SPECC1: variants seen among roughly 807,000 people sequenced by gnomAD.
SPECC1 encodes sperm antigen with calponin homology and coiled-coil domains 1, also known as cytospin-B.
SPECC1 carries 62 observed loss-of-function variants against 104.1 expected under a neutral mutation model. The observed-to-expected ratio is 0.60, with a 90% confidence interval of 0.49 to 0.74. The LOEUF (loss-of-function observed/expected upper bound fraction) is 0.74. Ranked by LOEUF, SPECC1 falls within the 30% of genes least tolerant of loss-of-function variation. The pLI is 0.00. For missense variants in SPECC1, 1,306 were observed against 1,310.5 expected (o/e 1.00, Z 0.05); for synonymous variants, 513 against 501.6 (o/e 1.02, Z -0.30).
intron 2 of SPECC1, among the ~76,000 whole-genome samples, chr17:20,098,191 C>T (rs2047744559): frequency 6.6e-6 from 1 of 152,132 alleles, no homozygotes; most frequent in Non-Finnish European, 1.5e-5. Context: ...TCTCACCATC[C>T]CCTAACCTGC....
intron 3 of SPECC1, among the ~76,000 whole-genome samples, chr17:20,119,048 T>C (rs1209699876): frequency 6.6e-6 from 1 of 152,202 alleles, no homozygotes; most frequent in Non-Finnish European, 1.5e-5. Flanking sequence ...TAACTACATA[T>C]CTACTATACA....
At chr17:20,268,379 G>A (rs993425107) in intron 12 of SPECC1, among the ~76,000 whole-genome samples, 6 of 152,240 alleles carry the variant, frequency 3.9e-5, no homozygotes, top group Middle Eastern at 3.2e-3. Flanking sequence ...GGCAACTTCT[G>A]TTGTTCTGTC....
At chr17:20,285,146 G>A (rs1421888622) in intron 12 of SPECC1, among the ~76,000 whole-genome samples, 1 of 152,196 alleles carries the variant, frequency 6.6e-6, no homozygotes, top group East Asian at 1.9e-4. Flanking sequence ...GGCAAGGCAA[G>A]TAACCAGGCA....
intron 3 of SPECC1, among the ~76,000 whole-genome samples, chr17:20,201,878 AT>A (rs2036457316): frequency 6.6e-6 from 1 of 152,216 alleles, no homozygotes; most frequent in South Asian, 2.1e-4. Context: ...ACATTGGAAA[AT>A]TATTTGGAGA....
At chr17:20,184,876 T>C (rs2035155189) in intron 3 of SPECC1, among the ~76,000 whole-genome samples, 1 of 152,254 alleles carries the variant, frequency 6.6e-6, no homozygotes, top group South Asian at 2.1e-4. Context: ...AAGAACATGG[T>C]GATGCAGCAA....
chr17:20,164,191 A>G (rs2033432948), intron 3 of SPECC1, among the ~76,000 whole-genome samples: 2 of 148,114 alleles, frequency 1.4e-5, no homozygotes, highest in South Asian at 4.2e-4. Context: ...TTTTTTTTAA[A>G]GAGACAAAGT....
intron 1 of SPECC1, among the ~76,000 whole-genome samples, chr17:20,042,291 T>C (rs2045360390): frequency 1.3e-5 from 2 of 151,688 alleles, no homozygotes; most frequent in Admixed American, 6.6e-5. Flanking sequence ...GCCTCCCTGA[T>C]ACCTCCCTGG....
At chr17:20,155,927 G>A (rs2032436589) in intron 3 of SPECC1, 2 of 1,214,018 alleles carry the variant, frequency 1.6e-6, no homozygotes, top group Admixed American at 8.9e-5. Flanking sequence ...CTGGCGGGCG[G>A]TGTGCAGTTG....
At chr17:20,134,084 AT>A (rs1338480792) in intron 3 of SPECC1, among the ~76,000 whole-genome samples, 1 of 150,798 alleles carries the variant, frequency 6.6e-6, no homozygotes, top group East Asian at 1.9e-4. Flanking sequence ...ATATAAACAT[AT>A]TACAAACATG....
chr17:20,208,351 G>A (rs892843697), intron 4 of SPECC1, among the ~76,000 whole-genome samples: 4 of 152,348 alleles, frequency 2.6e-5, no homozygotes, highest in Admixed American at 2.0e-4. Flanking sequence ...AGACTGATTT[G>A]TAATTGCAGT....
chr17:20,190,919 G>A (rs1407777461), intron 3 of SPECC1, among the ~76,000 whole-genome samples: 1 of 151,690 alleles, frequency 6.6e-6, no homozygotes, highest in East Asian at 1.9e-4. Context: ...TTTTGCTTTA[G>A]CAAGCAAAAG....
chr17:20,072,835 C>T (rs1387204754), intron 1 of SPECC1, among the ~76,000 whole-genome samples: 4 of 152,120 alleles, frequency 2.6e-5, no homozygotes, highest in Non-Finnish European at 5.9e-5. Context: ...TAGCCCAGGC[C>T]CGCTGATAGA....
chr17:20,054,423 T>G (rs1253357166), intron 1 of SPECC1, among the ~76,000 whole-genome samples: 1 of 152,160 alleles, frequency 6.6e-6, no homozygotes, highest in African/African-American at 2.4e-5. Flanking sequence ...TCTCTCTAGT[T>G]TTGGAAGGCT....
chr17:20,145,157 G>A (rs2031313576), intron 3 of SPECC1, among the ~76,000 whole-genome samples: 1 of 152,188 alleles, frequency 6.6e-6, no homozygotes, highest in South Asian at 2.1e-4. Flanking sequence ...GTGGTTTAGT[G>A]TAGGAAGAAC....
At chr17:20,219,721 C>G (rs1246058845) in intron 4 of SPECC1, among the ~76,000 whole-genome samples, 1 of 152,158 alleles carries the variant, frequency 6.6e-6, no homozygotes, top group Non-Finnish European at 1.5e-5. Context: ...GTATTCTGTG[C>G]TTTTGGGCTA....
chr17:20,141,987 T>C (rs2030860890), intron 3 of SPECC1, among the ~76,000 whole-genome samples: 2 of 152,332 alleles, frequency 1.3e-5, no homozygotes, highest in South Asian at 4.1e-4. Context: ...AAAACTGAGC[T>C]TTTTCCCCTC....
Position 20,227,530 on chromosome 17 carries a change from A to T in SPECC1, c.1981A>T (p.Met661Leu), listed in dbSNP as rs775731889. Residue 661 changes from methionine to leucine, a missense_variant, in exon 5 of 15, where the codon ATG (methionine) becomes TTG (leucine). This residue lies in a region of SPECC1 where 1,177 missense variants were observed against 1,139.9 expected (regional missense o/e 1.03). Coordinates refer to ENST00000395527, the MANE Select transcript of SPECC1 (RefSeq NM_001243439.2). ...AGAGAGTGATGCAGAGATCAAAGAC[A>T]TGAAAGAAACCATATTTGAATTGGA... ...ASESDAEIKD[M>L]KETIFELEDQ... 3.1e-6 allele frequency: 5 copies of T among 1,613,276 alleles called. No homozygotes were observed. The highest frequency in any genetic ancestry group is 4.2e-6 in the Non-Finnish European group (5 of 1,179,800).
chr17:20,025,717 T>A (rs1033905921), intron 1 of SPECC1, among the ~76,000 whole-genome samples: 3 of 152,182 alleles, frequency 2.0e-5, no homozygotes, highest in Non-Finnish European at 4.4e-5. Flanking sequence ...TTTTTTTGGT[T>A]ATAGACCCAG....
rs1414001259 is a variant in SPECC1, at chr17:20,125,691, T to A, written c.283+15129T>A. 2.0e-5 allele frequency among the ~76,000 whole-genome samples: 3 copies of A among 152,256 alleles called. No individual in the cohort carries two copies. In the East Asian group the frequency reaches 5.8e-4, roughly 29 times the overall value. ...CTTCAGGTTCATCCACAATGGGACA[T>A]GTGTCAGAGTTTCCTTCCTTTTAAA... is the stretch of plus-strand genomic sequence containing the variant. On this transcript the variant is annotated intron_variant, in intron 3 of 14. Coordinates refer to ENST00000395527, the MANE Select transcript of SPECC1 (RefSeq NM_001243439.2).
Sources: gnomAD v4.1 joint callset for allele counts (sites outside exome capture counted in the v4.1 genomes callset) on GRCh38, gnomAD v4.1.1 for gene constraint, gnomAD v4.1.1 regional missense constraint, MANE v1.5 for transcripts, NCBI Gene and HGNC (gene_info 2026-07-23, HGNC 2026-07-21) for gene names.